The following ABCA5 variants were observed in gnomAD, a reference collection of about 807,000 sequenced individuals.
The protein encoded by ABCA5 is cholesterol transporter ABCA5.
ABCA5 carries 163 observed loss-of-function variants against 206.0 expected under a neutral mutation model. That is an observed-to-expected ratio of 0.79 (90% CI 0.70 to 0.90). ABCA5 has a LOEUF of 0.90. ABCA5 is among the 40% of genes least tolerant of loss of function. ABCA5 has a pLI of 0.00. For missense variants in ABCA5, 1,859 were observed against 1,912.9 expected (o/e 0.97, Z 0.53); for synonymous variants, 609 against 613.8 (o/e 0.99, Z 0.11).
intron 25 of ABCA5, 125 bp from the exon 26 acceptor site, chr17:69,261,384 C>T (rs1175290663): frequency 1.1e-6 from 1 of 918,612 alleles, no homozygotes; most frequent in Non-Finnish European, 1.6e-6. Context: ...TGATATTTAG[C>T]CAGCAAGCAA....
At chr17:69,325,141 CAAAAAAAAAA>C (rs11320196) in intron 1 of ABCA5, among the ~76,000 whole-genome samples, 1 of 118,108 alleles carries the variant, frequency 8.5e-6, no homozygotes, top group African/African-American at 3.2e-5. Flanking sequence ...CTGTCTCTAC[CAAAAAAAAAA>C]AAAAAAAAAT....
Position 69,274,079 on chromosome 17 carries a change from C to T in ABCA5, c.2644G>A (p.Val882Ile). ...ACAGCATTTTTAAAAGAGTGATGAACCAAAAACATAAAAATCTGAACTGTG... is the reference window on the plus strand; with the variant it reads ...ACAGCATTTTTAAAAGAGTGATGAATCAAAAACATAAAAATCTGAACTGTG... The part of the protein sequence containing the change: ...FFTVQIFMFL[V>I]HHSFKNAVVP... The change falls in exon 20 of 39, where the codon GTT (valine) becomes ATT (isoleucine). Residue 882 changes from valine (V) to isoleucine (I), a missense_variant. By Grantham distance (29) the Val-to-Ile change is conservative (BLOSUM62 3). Transcript: ENST00000392676. 7.5e-6 allele frequency: 12 copies of T among 1,595,272 alleles called. No homozygotes were observed. Among genetic ancestry groups the T allele is most frequent in the Non-Finnish European group, 1.0e-5 (12 of 1,174,226 alleles).
chr17:69,325,068 T>C (rs1264975622), intron 1 of ABCA5, among the ~76,000 whole-genome samples: 1 of 147,596 alleles, frequency 6.8e-6, no homozygotes, highest in Admixed American at 6.9e-5. Flanking sequence ...CACGTGGCAA[T>C]CCCAGTGGGA....
At chr17:69,324,117 G>A (rs2075883301) in intron 1 of ABCA5, among the ~76,000 whole-genome samples, 2 of 152,178 alleles carry the variant, frequency 1.3e-5, no homozygotes. Flanking sequence ...CTGTAAAAAG[G>A]AAGAAGAGGG....
In ABCA5 at chr17:69,244,531, G is replaced by A. The variant is rs898571453; in HGVS notation, c.*3006C>T. 1 of 151,520 alleles carries A rather than the reference G, an allele frequency of 6.6e-6. No homozygotes were observed. The highest frequency in any genetic ancestry group is 1.5e-5 in the Non-Finnish European group (1 of 67,776). 9.4% of individuals were successfully genotyped at this position (151,520 alleles called of 1,614,324 possible). A position where few individuals can be genotyped will look rare whatever the true frequency, so the allele number is the denominator to read the frequency against. ...ATAAAAAATAATTAAACTTTTACCT[G>A]ATAAGAATAGCTGATATAAAAATTA... is the stretch of plus-strand genomic sequence containing the variant. On this transcript the variant is annotated 3_prime_UTR_variant, in exon 39 of 39. Coordinates refer to ENST00000392676, the MANE Select transcript of ABCA5 (RefSeq NM_172232.4).
intron 37 of ABCA5, chr17:69,248,811 A>G (rs1007727712): frequency 1.3e-5 from 2 of 152,194 alleles, no homozygotes; most frequent in Non-Finnish European, 2.9e-5. Context: ...TGCAGCCTCG[A>G]CCTCCCAGGC....
chr17:69,256,016 G>A (rs1349627231), intron 29 of ABCA5, 141 bp downstream of exon 29: 2 of 1,213,908 alleles, frequency 1.6e-6, no homozygotes, highest in Non-Finnish European at 1.1e-6. Context: ...TCAAAAGTAA[G>A]TAAACGAAGT....
At chr17:69,305,705 T>C (rs990654387) in intron 6 of ABCA5, among the ~76,000 whole-genome samples, 6 of 152,110 alleles carry the variant, frequency 3.9e-5, no homozygotes, top group Admixed American at 6.5e-5. Context: ...CCCCCGTCCC[T>C]ACAAAAAAAT....
chr17:69,305,233 C>A (rs746667286), intron 6 of ABCA5, among the ~76,000 whole-genome samples: 2 of 152,138 alleles, frequency 1.3e-5, no homozygotes, highest in Non-Finnish European at 2.9e-5. Context: ...ACAATAAAGG[C>A]TACCTTACCT....
At chr17:69,275,997 G>T (rs2075327378) in intron 19 of ABCA5, among the ~76,000 whole-genome samples, 1 of 150,596 alleles carries the variant, frequency 6.6e-6, no homozygotes, top group Non-Finnish European at 1.5e-5. Flanking sequence ...CATCAGAATT[G>T]TGAGAAAATA....
intron 1 of ABCA5, among the ~76,000 whole-genome samples, chr17:69,324,318 G>A (rs981381761): frequency 1.3e-5 from 2 of 152,192 alleles, no homozygotes; most frequent in African/African-American, 4.8e-5. Context: ...GAAAAGAATG[G>A]TAAAGCTAGA....
At chr17:69,312,453 T>C (rs1478770554) in intron 3 of ABCA5, among the ~76,000 whole-genome samples, 1 of 152,194 alleles carries the variant, frequency 6.6e-6, no homozygotes, top group African/African-American at 2.4e-5. Flanking sequence ...GCCATAGTCA[T>C]AGTTGTAGTC....
At chr17:69,304,110 A>C (rs1014076095) in intron 7 of ABCA5, 20 of 151,848 alleles carry the variant, frequency 1.3e-4, no homozygotes, top group African/African-American at 4.6e-4. Context: ...AGTTATTTGC[A>C]ATTTATTATT....
At chr17:69,293,425 A>G (rs531887813) in intron 11 of ABCA5, among the ~76,000 whole-genome samples, 1 of 152,244 alleles carries the variant, frequency 6.6e-6, no homozygotes, top group East Asian at 1.9e-4. Context: ...AAAGCCAGGG[A>G]TGCTGCTTGT....
In ABCA5 at chr17:69,289,985, T is replaced by C. The variant is rs2075508008; in HGVS notation, c.1659A>G (p.Glu553=). The C allele has an allele frequency of 6.2e-7, 1 of 1,612,264 alleles. No individual in the cohort carries two copies. Among genetic ancestry groups the C allele is most frequent in the African/African-American group, 1.3e-5 (1 of 74,880 alleles). ...GACAAATGCCAATCATTTTTCTTGC[T>C]TCAAACATTTCATCTATTTCTGAGA... ...HRVSEIDEMF[E]ARKMIGICPQ... Residue 553 remains glutamate (E), a synonymous_variant, in exon 13 of 39, where the codon GAA becomes GAG. Coordinates refer to ENST00000392676, the MANE Select transcript of ABCA5 (RefSeq NM_172232.4).
intron 1 of ABCA5, 21 bp downstream of exon 1, chr17:69,327,031 C>T: frequency 6.3e-6 from 1 of 157,644 alleles, no homozygotes; most frequent in Non-Finnish European, 1.4e-5. Flanking sequence ...GCGCCGCCGC[C>T]GCCCGCGACG....
chr17:69,259,785 A>C lies in ABCA5; in HGVS notation c.3652T>G (p.Cys1218Gly). The change falls in exon 28 of 39, where the codon TGT becomes GGT. Residue 1218 changes from cysteine (C) to glycine (G), a missense_variant. By Grantham distance (159) the Cys-to-Gly change is radical. Coordinates refer to ENST00000392676, the MANE Select transcript of ABCA5 (RefSeq NM_172232.4). ...TGTAAGAGGAAAATCCACAGTACAC[A>C]CTGCAGGTAAGGCTAAAAGAAGAAC... ...SVAVISPYLQ[C>G]VLWIFLLQYY... 2 of 1,597,524 alleles carry C rather than the reference A, an allele frequency of 1.3e-6. No individual in the cohort carries two copies. The highest frequency in any genetic ancestry group is 1.7e-6 in the Non-Finnish European group (2 of 1,169,292).
rs2145009743 is a variant in ABCA5, at chr17:69,301,210, G to C, written c.1196C>G (p.Thr399Arg). The C allele has an allele frequency of 6.2e-7, 1 of 1,604,554 alleles. No homozygotes were observed. The highest frequency in any genetic ancestry group is 2.3e-5 in the East Asian group (1 of 44,266). ...ACTATTAAGTGTGAGCATGATAATT[G>C]TAATAATTAGAGGATATGGGCCTGC... ...LTAGPYPLIITIIMLTLNSIF... is the reference protein window; with the variant it reads ...LTAGPYPLIIRIIMLTLNSIF... The change falls in exon 9 of 39, where the codon ACA becomes AGA. Residue 399 changes from threonine to arginine, a missense_variant. Thr to Arg is a moderately conservative substitution (Grantham distance 71). Transcript: ENST00000392676.
At chr17:69,320,950 T>C (rs1008937540) in intron 1 of ABCA5, among the ~76,000 whole-genome samples, 5 of 152,148 alleles carry the variant, frequency 3.3e-5, no homozygotes, top group African/African-American at 9.7e-5. Context: ...CTCTCGACAA[T>C]TGGTCGAGAG....
Sources: gnomAD v4.1 joint callset for allele counts (sites outside exome capture counted in the v4.1 genomes callset) on GRCh38, gnomAD v4.1.1 for gene constraint, MANE v1.5 for transcripts, NCBI Gene and HGNC (gene_info 2026-07-23, HGNC 2026-07-21) for gene names.